Variants in RPRD2 observed in about 807,000 individuals in gnomAD.
RPRD2 encodes the protein regulation of nuclear pre-mRNA domain containing 2, also known as regulation of nuclear pre-mRNA domain-containing protein 2.
In RPRD2, 12 loss-of-function variants were observed where a neutral mutation model predicts 104.4. The observed-to-expected ratio is 0.11, with a 90% CI of 0.07 to 0.19. The LOEUF (loss-of-function observed/expected upper bound fraction) is 0.19. Among genes scored for constraint, RPRD2 ranks in the 10% least tolerant of loss-of-function variants. The probability of loss-of-function intolerance (pLI) is 1.00; values close to 1 mark genes in which losing one functional copy is unlikely to be tolerated. For synonymous variants in RPRD2, 714 were observed against 684.9 expected (o/e 1.04, Z -0.66); for missense variants, 1,543 against 1,790.1 (o/e 0.86, Z 2.49).
chr1:150,396,679 G>T (rs1279780154), intron 1 of RPRD2, among the ~76,000 whole-genome samples: 1 of 152,142 alleles, frequency 6.6e-6, no homozygotes, highest in East Asian at 1.9e-4. Context: ...ATCCTTTACA[G>T]AATTAGAAAA....
At chr1:150,441,860 A>G in intron 3 of RPRD2, 21 bp from the exon 4 acceptor site, 1 of 1,601,648 alleles carries the variant, frequency 6.2e-7, no homozygotes, top group South Asian at 1.1e-5. Flanking sequence ...GCCAGATTGC[A>G]AAAACTGAAA....
intron 1 of RPRD2, among the ~76,000 whole-genome samples, chr1:150,377,597 CAAA>C (rs1178580863): frequency 1.0e-5 from 1 of 96,912 alleles, no homozygotes; most frequent in Non-Finnish European, 2.1e-5. Context: ...GACTGCGTCT[CAAA>C]AAAAAAAAAA....
chr1:150,443,861 A>C (rs371036146), intron 5 of RPRD2, among the ~76,000 whole-genome samples: 4 of 135,496 alleles, frequency 3.0e-5, no homozygotes, highest in South Asian at 2.4e-4. Context: ...AAAAAAAAAA[A>C]ACAAAAATTA....
intron 7 of RPRD2, among the ~76,000 whole-genome samples, chr1:150,453,890 C>T (rs1402353818): frequency 6.6e-6 from 1 of 152,192 alleles, no homozygotes; most frequent in East Asian, 1.9e-4. Flanking sequence ...TTAATTAAAT[C>T]TGAAACCTAA....
At chr1:150,441,993 C>G (rs1310382429) in intron 4 of RPRD2, 35 bp downstream of exon 4, 2 of 1,489,172 alleles carry the variant, frequency 1.3e-6, no homozygotes, top group African/African-American at 2.8e-5. Context: ...ATAAAATTAC[C>G]TCCTCTTTTT....
rs1201499789 is a variant in RPRD2, at chr1:150,445,817, C to A, written c.695-409C>A. ...GGCACGGTGGCTCACAACTGTAATC[C>A]CAGCACTTTGGGAGGCCCAGGCAGG... On this transcript the variant is annotated intron_variant, in intron 6 of 10. Transcript: ENST00000369068. Among the ~76,000 whole-genome samples the A allele has an allele frequency of 3.3e-5, 5 of 152,116 alleles. No individual in the cohort carries two copies. In the East Asian group the frequency reaches 9.7e-4, roughly 30 times the overall value.
chr1:150,415,578 G>A (rs782287459), intron 1 of RPRD2, among the ~76,000 whole-genome samples: 29 of 152,038 alleles, frequency 1.9e-4, no homozygotes, highest in Middle Eastern at 3.4e-3. Context: ...CCAGCTACTC[G>A]AGAGGCTTGA....
chr1:150,439,557 T>G (rs1039707185), intron 2 of RPRD2, among the ~76,000 whole-genome samples: 3 of 152,080 alleles, frequency 2.0e-5, no homozygotes, highest in African/African-American at 7.2e-5. Flanking sequence ...AGAAAAAAAT[T>G]CTTTGTGAAC....
chr1:150,405,574 T>G (rs1232227943), intron 1 of RPRD2, among the ~76,000 whole-genome samples: 1 of 152,042 alleles, frequency 6.6e-6, no homozygotes, highest in Non-Finnish European at 1.5e-5. Context: ...ACTTCCTGGT[T>G]TCTCTCTCTC....
In RPRD2 at chr1:150,471,715, C is replaced by T. The variant is rs1560231286; in HGVS notation, c.2767C>T (p.Pro923Ser). The T allele has an allele frequency of 4.3e-6, 7 of 1,613,782 alleles. No individual in the cohort carries two copies. In the Admixed American group the frequency reaches 1.2e-4, roughly 27 times the overall value. The change falls in exon 11 of 11, where the codon CCT becomes TCT. Residue 923 changes from proline to serine, a missense_variant. By Grantham distance (74) the Pro-to-Ser change is moderately conservative. Transcript: ENST00000369068. This position sits in a 1 kb window ranked among gnomAD's most constrained non-coding sequence, Gnocchi z 5.3. ...TGCCTTCAGCGTAAGAGGGAATGAA[C>T]CTGGGTCTGACCGGTCACCATCACC... ...FGAFSVRGNE[P>S]GSDRSPSPSK... is the part of the protein sequence containing the mutation.
At position 150,364,182 on chromosome 1, in the gene RPRD2, A is replaced by G. The variant is rs587696203; in HGVS notation, c.-533A>G. Among the ~76,000 whole-genome samples the G allele has an allele frequency of 2.0e-5, 3 of 152,310 alleles. No homozygotes were observed. In the South Asian group the frequency reaches 6.2e-4, roughly 32 times the overall value. The stretch of plus-strand genomic sequence containing the variant: ...CCCCTTTGCTGCTATTGCGTTGCAA[A>G]AAAAATCCTGACTAGGTAGCCTTGG... On this transcript the variant is annotated 5_prime_UTR_variant, in exon 1 of 11. Coordinates refer to ENST00000369068, the MANE Select transcript of RPRD2 (RefSeq NM_015203.5).
chr1:150,473,301 A>T lies in RPRD2; in HGVS notation c.4353A>T (p.Ala1451=), dbSNP rs1368316681. ...PPFARGPPFF[A]PKRPFFPPRY ...TTGCTAGGGGCCCTCCGTTCTTTGC[A>T]CCAAAACGCCCATTCTTCCCTCCCA... Residue 1451 remains alanine (A), a synonymous_variant, in exon 11 of 11, where the codon GCA becomes GCT. Coordinates refer to ENST00000369068, the MANE Select transcript of RPRD2 (RefSeq NM_015203.5). The T allele has an allele frequency of 6.2e-7, 1 of 1,612,868 alleles. No homozygotes were observed. Among genetic ancestry groups the T allele is most frequent in the East Asian group, 2.2e-5 (1 of 44,868 alleles).
chr1:150,434,536 C>T (rs190070450), intron 2 of RPRD2, among the ~76,000 whole-genome samples: 8 of 152,106 alleles, frequency 5.3e-5, no homozygotes, highest in Admixed American at 2.6e-4. Context: ...ATGTTTAGGG[C>T]TGGGCCCTGT....
At chr1:150,436,246 CACA>C (rs1665982408) in intron 2 of RPRD2, among the ~76,000 whole-genome samples, 1 of 152,072 alleles carries the variant, frequency 6.6e-6, no homozygotes, top group Non-Finnish European at 1.5e-5. Flanking sequence ...TGCTTGCTAA[CACA>C]ACATTTATTC....
rs587602399 is a variant in RPRD2, at chr1:150,386,479, G to A, written c.205+21560G>A. On this transcript the variant is annotated intron_variant, in intron 1 of 10. Transcript: ENST00000369068. ...GGTGCTGCATTTATCAATACCATAA[G>A]TTTATGTCACTTTTTACAAAATGAA... Among the ~76,000 whole-genome samples, 5 of 152,244 alleles carry A rather than the reference G, an allele frequency of 3.3e-5. No homozygotes were observed. The South Asian group carries it at 8.3e-4, about 25-fold the overall frequency.
intron 5 of RPRD2, 27 bp from the exon 6 acceptor site, chr1:150,444,224 T>C (rs782520096): frequency 6.3e-7 from 1 of 1,593,662 alleles, no homozygotes; most frequent in Non-Finnish European, 8.5e-7. Context: ...ATCTTGTAAA[T>C]GAAATATGAC....
At chr1:150,366,961 TAATGAGATAA>T in intron 1 of RPRD2, among the ~76,000 whole-genome samples, 1 of 152,282 alleles carries the variant, frequency 6.6e-6, no homozygotes, top group East Asian at 1.9e-4. Context: ...TAGTCAGCAA[TAATGAGATAA>T]AATGAAGCCA....
intron 1 of RPRD2, among the ~76,000 whole-genome samples, chr1:150,405,971 C>A (rs1663441261): frequency 6.6e-6 from 1 of 152,002 alleles, no homozygotes; most frequent in Non-Finnish European, 1.5e-5. Context: ...TTGGATATGC[C>A]AAAGAAAAGC....
intron 1 of RPRD2, among the ~76,000 whole-genome samples, chr1:150,402,135 T>C (rs782576392): frequency 1.3e-5 from 2 of 152,034 alleles, no homozygotes; most frequent in East Asian, 3.9e-4. Flanking sequence ...ATTTTTTGTA[T>C]TTTTAGTAGA....
Sources: allele counts gnomAD v4.1 joint callset (sites outside exome capture counted in the v4.1 genomes callset), GRCh38; gene constraint gnomAD v4.1.1; non-coding constraint Gnocchi (gnomAD v3.1); transcripts MANE v1.5; gene names NCBI Gene and HGNC (gene_info 2026-07-23, HGNC 2026-07-21).